The following ACTR8 variants were observed in gnomAD, a reference collection of about 807,000 sequenced individuals.
ACTR8 encodes actin-related protein 8.
In ACTR8, 70 loss-of-function variants were observed where a neutral mutation model predicts 84.3. That is an observed-to-expected ratio of 0.83 (90% CI 0.68 to 1.01). ACTR8 has a LOEUF of 1.01. ACTR8 is among the 50% of genes least tolerant of loss of function. The probability of loss-of-function intolerance (pLI) is 0.00; values close to 1 mark genes in which losing one functional copy is unlikely to be tolerated. For missense variants in ACTR8, 672 were observed against 775.4 expected (o/e 0.87, Z 1.58); for synonymous variants, 268 against 275.2 (o/e 0.97, Z 0.26).
At position 53,874,211 on chromosome 3, in the gene ACTR8, C is replaced by T; in HGVS notation, c.1065G>A (p.Gln355=). 1 of 1,612,246 alleles carries T rather than the reference C, an allele frequency of 6.2e-7. No individual in the cohort carries two copies. The highest frequency in any genetic ancestry group is 8.5e-7 in the Non-Finnish European group (1 of 1,179,356). ...TCAGCAATATTGATTCTGCTCCCACCTGATCTAAATGACAAAAAGTTTCTT... is the reference window on the plus strand; with the variant it reads ...TCAGCAATATTGATTCTGCTCCCACTTGATCTAAATGACAAAAAGTTTCTT... ...HLKETFCHLD[Q]DISGLQDHEF... is the part of the protein sequence containing the mutation. The change falls in exon 8 of 13, where the codon CAG becomes CAA. Residue 355 remains glutamine, a splice_region_variant and synonymous_variant. Transcript: ENST00000335754.
chr3:53,872,402 T>G lies in ACTR8; in HGVS notation c.1284A>C (p.Thr428=). The part of the protein sequence containing the change: ...DPHDEHYLLA[T]QSKQEQSAKA... The stretch of plus-strand genomic sequence containing the variant: ...TACGGACCTGTTCTTGTTTGCTCTG[T>G]GTGGCCAGCAGGTAATGTTCATCGT... Residue 428 remains threonine, a synonymous_variant, in exon 10 of 13, where the codon ACA becomes ACC. Coordinates refer to ENST00000335754, the MANE Select transcript of ACTR8 (RefSeq NM_022899.5). 6.2e-7 allele frequency: 1 copy of G among 1,608,662 alleles called. No individual in the cohort carries two copies. The highest frequency in any genetic ancestry group is 1.3e-5 in the African/African-American group (1 of 74,630).
chr3:53,872,000 TG>T (rs1699889957), intron 10 of ACTR8, among the ~76,000 whole-genome samples: 1 of 152,230 alleles, frequency 6.6e-6, no homozygotes, highest in South Asian at 2.1e-4. Context: ...CATCATATTA[TG>T]GGGATCCACT....
Position 53,871,287 on chromosome 3 carries a change from A to G in ACTR8, c.1512T>C (p.Phe504=), listed in dbSNP as rs922515284. 2 of 1,614,248 alleles carry G rather than the reference A, an allele frequency of 1.2e-6. No individual in the cohort carries two copies. The highest frequency in any genetic ancestry group is 1.7e-6 in the Non-Finnish European group (2 of 1,180,044). ...LMSRKTAISL[F]EGKALGLDKA... Reference sequence around the variant, plus strand: ...TATCCAGGCCCAGGGCTTTTCCTTCAAACAGCGAGATGGCAGTCTTCCTGG... The same window carrying G: ...TATCCAGGCCCAGGGCTTTTCCTTCGAACAGCGAGATGGCAGTCTTCCTGG... The change falls in exon 11 of 13, where the codon TTT becomes TTC. Residue 504 remains phenylalanine (F), a synonymous_variant. Coordinates refer to ENST00000335754, the MANE Select transcript of ACTR8 (RefSeq NM_022899.5).
At position 53,882,109 on chromosome 3, in the gene ACTR8, G is replaced by A. The variant is rs1352847942; in HGVS notation, c.-8C>T. On this transcript the variant is annotated 5_prime_UTR_variant, in exon 1 of 13. Transcript: ENST00000335754. ...CTTCTCAGCCTGGGTCATTATGGCC[G>A]GAGACACCCACCAACCTCTCGCCTC... The A allele has an allele frequency of 2.6e-6, 4 of 1,551,214 alleles. No homozygotes were observed. Among genetic ancestry groups the A allele is most frequent in the East Asian group, 2.4e-5 (1 of 40,906 alleles).
downstream of ACTR8, chr3:53,865,524 G>T (rs1699755858): frequency 2.0e-6 from 1 of 507,084 alleles, no homozygotes; most frequent in South Asian, 3.4e-5. Context: ...TTTATACATA[G>T]AAATCAATTA....
chr3:53,873,045 TCTC>T lies in ACTR8; in HGVS notation c.1145_1147del (p.Gly382del), dbSNP rs1445554658. 12 of 1,609,766 alleles carry T rather than the reference TCTC, an allele frequency of 7.5e-6. No individual in the cohort carries two copies. Among genetic ancestry groups the T allele is most frequent in the African/African-American group, 1.3e-5 (1 of 74,872 alleles). ...CCTATAAGTTACCTGCAGTTTTTCA[TCTC>T]CTAATCGAAACTGGTAAAGCAGGGC... On this transcript the variant is annotated inframe_deletion, in exon 9 of 13. Transcript: ENST00000335754.
chr3:53,859,997 G>A, the ACTR8 span: 12 of 641,526 alleles, frequency 1.9e-5, no homozygotes, highest in Non-Finnish European at 2.9e-5. Context: ...GCAACAAAGC[G>A]AGACTCTGTC....
downstream of ACTR8, among the ~76,000 whole-genome samples, chr3:53,863,353 T>A (rs1699638814): frequency 6.6e-6 from 1 of 152,108 alleles, no homozygotes; most frequent in Non-Finnish European, 1.5e-5. Flanking sequence ...AGTATTTGAA[T>A]ACAGAAACCA....
Position 53,872,486 on chromosome 3 carries a change from G to A in ACTR8, c.1200C>T (p.Ile400=), listed in dbSNP as rs4687757. Reference sequence around the variant, plus strand: ...GCAAAGTCGTCATTTTCTGTCCAACGATTCCAAAAGTTGCGGGGTAAAACA... The same window carrying A: ...GCAAAGTCGTCATTTTCTGTCCAACAATTCCAAAAGTTGCGGGGTAAAACA... The part of the protein sequence containing the change: ...MALFYPATFG[I]VGQKMTTLQH... Residue 400 remains isoleucine, a synonymous_variant, in exon 10 of 13, where the codon ATC becomes ATT. Coordinates refer to ENST00000335754, the MANE Select transcript of ACTR8 (RefSeq NM_022899.5). The A allele has an allele frequency of 0.49, 792,949 of 1,608,158 alleles. 206,322 individuals are homozygous for A. Among genetic ancestry groups the A allele is most frequent in the East Asian group, 0.95 (42,092 of 44,382 alleles).
At chr3:53,866,403 C>T (rs1248693010), downstream of ACTR8, among the ~76,000 whole-genome samples, 1 of 152,126 alleles carries the variant, frequency 6.6e-6, no homozygotes, top group African/African-American at 2.4e-5. Flanking sequence ...GAAAAAACCC[C>T]CACAGAATGA....
the ACTR8 span, chr3:53,860,787 A>G: frequency 6.6e-6 from 1 of 152,226 alleles, no homozygotes; most frequent in Non-Finnish European, 1.5e-5. Context: ...AGAAAAAGGT[A>G]TGTCATAAAT....
chr3:53,880,881 G>A (rs748609207), intron 1 of ACTR8, among the ~76,000 whole-genome samples: 2 of 152,120 alleles, frequency 1.3e-5, no homozygotes, highest in Admixed American at 6.5e-5. Flanking sequence ...CCTGACTGTC[G>A]GGGATGGAGG....
chr3:53,879,733 T>A (rs1700030026), intron 2 of ACTR8, among the ~76,000 whole-genome samples: 1 of 152,218 alleles, frequency 6.6e-6, no homozygotes, highest in South Asian at 2.1e-4. Context: ...TCATCCACAC[T>A]CAATTCACCC....
At chr3:53,866,355 T>C (rs1699777551), downstream of ACTR8, among the ~76,000 whole-genome samples, 1 of 131,208 alleles carries the variant, frequency 7.6e-6, no homozygotes. Context: ...CTGCACTCCA[T>C]CCTGGGTGAG....
downstream of ACTR8, chr3:53,864,809 T>C: frequency 6.2e-7 from 1 of 1,614,112 alleles, no homozygotes. Flanking sequence ...GTTCTTGTGG[T>C]TTACCCATCT....
At chr3:53,879,242 G>A (rs1052165127) in intron 2 of ACTR8, among the ~76,000 whole-genome samples, 1 of 152,156 alleles carries the variant, frequency 6.6e-6, no homozygotes, top group African/African-American at 2.4e-5. Context: ...TCTTATATCA[G>A]CAAGTTATAT....
In ACTR8 at chr3:53,879,844, T is replaced by C. The variant is rs1009004134; in HGVS notation, c.294+95A>G. 5.7e-6 allele frequency: 7 copies of C among 1,233,432 alleles called. No individual in the cohort carries two copies. The African/African-American group carries it at 1.1e-4, about 19-fold the overall frequency. 76.4% of individuals were successfully genotyped at this position (1,233,432 alleles called of 1,614,324 possible). On this transcript the variant is annotated intron_variant, in intron 2 of 12. Coordinates refer to ENST00000335754, the MANE Select transcript of ACTR8 (RefSeq NM_022899.5). ...TTAATGTTTTAAAACACAGCAAAGC[T>C]ATGAAGATGTTTCTTTAAGATTCTG...
At chr3:53,859,876 G>A in the ACTR8 span, 10 of 346,662 alleles carry the variant, frequency 2.9e-5, no homozygotes, top group South Asian at 1.4e-4. Flanking sequence ...GGCTGGGCGC[G>A]GTGACACATG....
chr3:53,862,206 A>G (rs1363307997), downstream of ACTR8, among the ~76,000 whole-genome samples: 1 of 152,150 alleles, frequency 6.6e-6, no homozygotes, highest in African/African-American at 2.4e-5. Flanking sequence ...GTTCAACACT[A>G]AAGTCCTCAG....
Sources: allele counts gnomAD v4.1 joint callset (sites outside exome capture counted in the v4.1 genomes callset), GRCh38; gene constraint gnomAD v4.1.1; transcripts MANE v1.5; gene names NCBI Gene and HGNC (gene_info 2026-07-23, HGNC 2026-07-21).